The following RSBN1 variants were observed in gnomAD, a reference collection of about 807,000 sequenced individuals.
RSBN1 encodes the protein round spermatid basic protein 1.
RSBN1 carries 23 observed loss-of-function variants against 74.8 expected under a neutral mutation model. The ratio of observed to expected loss-of-function variants is 0.31; its 90% CI spans 0.22 to 0.44. The LOEUF is 0.44. RSBN1 is among the 20% of genes least tolerant of loss of function. RSBN1 has a pLI of 1.00. For missense variants in RSBN1, 808 were observed against 1,020.9 expected, an observed-to-expected ratio of 0.79 and a Z score of 2.84; for synonymous variants, 407 against 379.6, an observed-to-expected ratio of 1.07 and a Z score of -0.84.
At position 113,761,979 on chromosome 1, in the gene RSBN1, A is replaced by G. The variant is rs1342504723; in HGVS notation, c.*4001T>C. On this transcript the variant is annotated 3_prime_UTR_variant, in exon 7 of 7. Coordinates refer to ENST00000261441, the MANE Select transcript of RSBN1 (RefSeq NM_018364.5). Reference sequence around the variant, plus strand: ...AAAAAAGCACTGTGTTAAAAGGATTATTCACACAAATTTAGATTTAAGACT... The same window carrying G: ...AAAAAAGCACTGTGTTAAAAGGATTGTTCACACAAATTTAGATTTAAGACT... The G allele has an allele frequency of 6.5e-6, 1 of 152,808 alleles. No individual in the cohort carries two copies. Among genetic ancestry groups the G allele is most frequent in the Non-Finnish European group, 1.5e-5 (1 of 68,040 alleles). 9.5% of individuals were successfully genotyped at this position (152,808 alleles called of 1,614,324 possible).
intron 1 of RSBN1, among the ~76,000 whole-genome samples, chr1:113,799,936 G>GT (rs1474330749): frequency 6.6e-6 from 1 of 151,870 alleles, no homozygotes; most frequent in Non-Finnish European, 1.5e-5. Context: ...CCAAACAATC[G>GT]TTTTTTCTAA....
chr1:113,770,063 A>G (rs1040110389), intron 4 of RSBN1, among the ~76,000 whole-genome samples: 3 of 152,134 alleles, frequency 2.0e-5, no homozygotes, highest in Non-Finnish European at 4.4e-5. Context: ...TTAATTTCTG[A>G]TGAGTACTGG....
chr1:113,802,703 CT>C (rs1012438227), intron 1 of RSBN1, among the ~76,000 whole-genome samples: 172 of 143,594 alleles, frequency 1.2e-3, no homozygotes, highest in East Asian at 7.2e-3. Flanking sequence ...TAAGCCTTTA[CT>C]TTTTTTTTTT....
chr1:113,792,320 G>A (rs1332949017), intron 2 of RSBN1, among the ~76,000 whole-genome samples: 1 of 152,100 alleles, frequency 6.6e-6, no homozygotes, highest in East Asian at 1.9e-4. Context: ...TTTAGTGTTT[G>A]TTATTATTTG....
In RSBN1 at chr1:113,766,115, T is replaced by C. The variant is rs765637311; in HGVS notation, c.2274A>G (p.Ser758=). The change falls in exon 7 of 7, where the codon TCA becomes TCG. Residue 758 remains serine (S), a synonymous_variant. Transcript: ENST00000261441. Reference sequence around the variant, plus strand: ...TAAGTTCTGATGCAGGTGGGAAAGATGATGAAGCAGTTGTTAACAGCTGAA... The same window carrying C: ...TAAGTTCTGATGCAGGTGGGAAAGACGATGAAGCAGTTGTTAACAGCTGAA... The part of the protein sequence containing the change: ...TEIQLLTTAS[S]SFPPASELNL... 7 of 1,613,976 alleles carry C rather than the reference T, an allele frequency of 4.3e-6. No homozygotes were observed. In the South Asian group the frequency reaches 7.7e-5, roughly 18 times the overall value.
chr1:113,788,880 C>T (rs902399211), intron 2 of RSBN1, among the ~76,000 whole-genome samples: 10 of 151,858 alleles, frequency 6.6e-5, no homozygotes, highest in African/African-American at 2.4e-4. Flanking sequence ...TTGCCCCCAC[C>T]CCGACCCAAA....
chr1:113,771,866 CT>C (rs969929034), intron 4 of RSBN1, among the ~76,000 whole-genome samples: 7 of 141,890 alleles, frequency 4.9e-5, no homozygotes, highest in Non-Finnish European at 1.1e-4. Context: ...AAACAGAACA[CT>C]TTTTTATGTT....
At chr1:113,797,010 G>GAT (rs369291225) in intron 2 of RSBN1, among the ~76,000 whole-genome samples, 447 of 152,280 alleles carry the variant, frequency 2.9e-3, no homozygotes, top group African/African-American at 0.01. Context: ...GTTTTATTAT[G>GAT]ATATAAAAGC....
At chr1:113,784,175 T>C (rs1399840540) in intron 2 of RSBN1, among the ~76,000 whole-genome samples, 1 of 152,108 alleles carries the variant, frequency 6.6e-6, no homozygotes, top group African/African-American at 2.4e-5. Flanking sequence ...TTCAAATACT[T>C]GGAGGCCTGT....
rs1660860951 is a variant in RSBN1, at chr1:113,811,879, C to T, written c.534G>A (p.Val178=). 1 of 1,613,114 alleles carries T rather than the reference C, an allele frequency of 6.2e-7. No individual in the cohort carries two copies. Among genetic ancestry groups the T allele is most frequent in the Non-Finnish European group, 8.5e-7 (1 of 1,179,734 alleles). ...SALFTFSPLT[V]SAAGPKHKGH... ...CCTTATGCTTGGGCCCGGCCGCGCT[C>T]ACCGTCAGAGGCGAGAAGGTGAAGA... is the stretch of plus-strand genomic sequence containing the variant. Residue 178 remains valine, a synonymous_variant, in exon 1 of 7, where the codon GTG becomes GTA. Coordinates refer to ENST00000261441, the MANE Select transcript of RSBN1 (RefSeq NM_018364.5).
At chr1:113,804,390 G>A (rs1660658677) in intron 1 of RSBN1, among the ~76,000 whole-genome samples, 1 of 152,162 alleles carries the variant, frequency 6.6e-6, no homozygotes, top group Admixed American at 6.5e-5. Context: ...AACAAGATAT[G>A]TAATTTATAT....
At chr1:113,803,562 G>T (rs1359160142) in intron 1 of RSBN1, among the ~76,000 whole-genome samples, 2 of 152,150 alleles carry the variant, frequency 1.3e-5, no homozygotes, top group Non-Finnish European at 2.9e-5. Flanking sequence ...AAATTAGTGT[G>T]CAGAGTAAAT....
At position 113,797,543 on chromosome 1, in the gene RSBN1, T is replaced by C. The variant is rs773754537; in HGVS notation, c.1197A>G (p.Thr399=). 39 of 1,612,662 alleles carry C rather than the reference T, an allele frequency of 2.4e-5. No individual in the cohort carries two copies. In the East Asian group the frequency reaches 7.6e-4, roughly 31 times the overall value. The change falls in exon 2 of 7, where the codon ACA becomes ACG. Residue 399 remains threonine, a synonymous_variant. Transcript: ENST00000261441. ...ERFSEEFLAL[T]FSENEKNAAY... is the part of the protein sequence containing the mutation. ...CAGCATTTTTCTCATTTTCACTGAA[T>C]GTCAAAGCAAGAAACTCCTCAGAAA...
chr1:113,767,114 T>C lies in RSBN1; in HGVS notation c.1920A>G (p.Glu640=). 1 of 1,596,670 alleles carries C rather than the reference T, an allele frequency of 6.3e-7. No individual in the cohort carries two copies. The highest frequency in any genetic ancestry group is 8.6e-7 in the Non-Finnish European group (1 of 1,166,650). Residue 640 remains glutamate (E), a synonymous_variant, in exon 6 of 7, where the codon GAA becomes GAG. Coordinates refer to ENST00000261441, the MANE Select transcript of RSBN1 (RefSeq NM_018364.5). ...AAGTTATTACCTGGGAAACTGGAGG[T>C]TCATGAAGATCTAACTGAAGTCTTT... ...VVQRLQLDLH[E]PPVSQCVQWV...
intron 4 of RSBN1, among the ~76,000 whole-genome samples, chr1:113,769,843 G>A (rs953035566): frequency 2.6e-5 from 4 of 152,130 alleles, no homozygotes; most frequent in Admixed American, 2.6e-4. Flanking sequence ...AATGAAGTGA[G>A]GCTGAGAAAA....
chr1:113,797,856 T>C lies in RSBN1; in HGVS notation c.884A>G (p.Gln295Arg). The change falls in exon 2 of 7, where the codon CAA (glutamine) becomes CGA (arginine). Residue 295 changes from glutamine to arginine, a missense_variant. Physicochemically the swap from Gln to Arg is conservative, Grantham distance 43. Coordinates refer to ENST00000261441, the MANE Select transcript of RSBN1 (RefSeq NM_018364.5). The part of the protein sequence containing the change: ...LTRISKEILT[Q>R]GQINSTSGLN... Reference sequence around the variant, plus strand: ...TCCTGAAGTGCTATTTATTTGTCCTTGGGTGAGAATTTCTTTACTGATGCG... The same window carrying C: ...TCCTGAAGTGCTATTTATTTGTCCTCGGGTGAGAATTTCTTTACTGATGCG... 6.2e-7 allele frequency: 1 copy of C among 1,614,064 alleles called. No homozygotes were observed. Among genetic ancestry groups the C allele is most frequent in the Non-Finnish European group, 8.5e-7 (1 of 1,179,972 alleles).
intron 6 of RSBN1, among the ~76,000 whole-genome samples, chr1:113,766,753 G>A (rs1659787919): frequency 2.6e-5 from 4 of 152,090 alleles, no homozygotes; most frequent in Non-Finnish European, 5.9e-5. Flanking sequence ...ACACATAAAG[G>A]CAACATGTTT....
chr1:113,774,202 C>CGTGA (rs1441627090), intron 4 of RSBN1, among the ~76,000 whole-genome samples: 1 of 152,082 alleles, frequency 6.6e-6, no homozygotes, highest in African/African-American at 2.4e-5. Context: ...CAGTTACTAA[C>CGTGA]GTGACATCAC....
chr1:113,778,479 T>C (rs1388792988), intron 2 of RSBN1, among the ~76,000 whole-genome samples: 2 of 151,910 alleles, frequency 1.3e-5, no homozygotes, highest in African/African-American at 4.8e-5. Flanking sequence ...TGTATTTTTT[T>C]AGTAGAGATG....
Sources: allele counts gnomAD v4.1 joint callset (sites outside exome capture counted in the v4.1 genomes callset), GRCh38; gene constraint gnomAD v4.1.1; transcripts MANE v1.5; gene names NCBI Gene and HGNC (gene_info 2026-07-23, HGNC 2026-07-21).